The following CSMD3 variants were observed in gnomAD, a reference collection of about 807,000 sequenced individuals.
CSMD3 encodes the protein CUB and Sushi multiple domains 3.
A neutral mutation model predicts 435.2 loss-of-function variants in CSMD3; 177 were observed. The ratio of observed to expected loss-of-function variants is 0.41; its 90% CI spans 0.36 to 0.46. The LOEUF is 0.46. CSMD3 is among the 20% of genes least tolerant of loss of function. The pLI is 0.34. For missense variants in CSMD3, 4,265 were observed against 4,504.6 expected (o/e 0.95, Z 1.52); for synonymous variants, 1,656 against 1,520.5 (o/e 1.09, Z -2.07).
In CSMD3 at chr8:113,004,041, T is replaced by G. The variant is rs189037257; in HGVS notation, c.1030+15026A>C. ...AATTTATTTAGAAAGGAATGCTACT[T>G]TTTGGGGAGGCTTTCATGATAACCA... On this transcript the variant is annotated intron_variant, in intron 6 of 70. Coordinates refer to ENST00000297405, the MANE Select transcript of CSMD3 (RefSeq NM_198123.2). 3.4e-4 allele frequency among the ~76,000 whole-genome samples: 52 copies of G among 152,168 alleles called. No homozygotes were observed. The East Asian group carries it at 7.0e-3, about 20-fold the overall frequency.
intron 1 of CSMD3, among the ~76,000 whole-genome samples, chr8:113,360,139 T>C (rs2094262397): frequency 6.6e-6 from 1 of 152,176 alleles, no homozygotes; most frequent in South Asian, 2.1e-4. Flanking sequence ...TTTTATAATA[T>C]GTATAATGCT....
rs1162372651 is a variant in CSMD3, at chr8:112,552,661, G to A, written c.4294C>T (p.Pro1432Ser). Residue 1432 changes from proline to serine, a missense_variant, in exon 26 of 71, where the codon CCT (proline) becomes TCT (serine). By Grantham distance (74) the Pro-to-Ser change is moderately conservative (BLOSUM62 -1). Transcript: ENST00000297405. ...CGCAGGTTATTGTCATATGGAAAAG[G>A]ATAGCCAGGAGATAAGATTCTTCCT... ...SSGRILSPGY[P>S]FPYDNNLRCM... 6.2e-7 allele frequency: 1 copy of A among 1,611,862 alleles called. No homozygotes were observed. Among genetic ancestry groups the A allele is most frequent in the Non-Finnish European group, 8.5e-7 (1 of 1,178,564 alleles).
intron 12 of CSMD3, among the ~76,000 whole-genome samples, chr8:112,817,515 A>T (rs1426163177): frequency 6.6e-6 from 1 of 152,124 alleles, no homozygotes; most frequent in Admixed American, 6.6e-5. Flanking sequence ...TATCTGAATT[A>T]TTATCAAATG....
At chr8:113,002,111 T>C (rs2085886051) in intron 6 of CSMD3, among the ~76,000 whole-genome samples, 1 of 152,098 alleles carries the variant, frequency 6.6e-6, no homozygotes, top group Non-Finnish European at 1.5e-5. Context: ...TTTGATAACA[T>C]GAAAGCTGAC....
At chr8:112,254,561 G>A (rs776819016) in intron 62 of CSMD3, among the ~76,000 whole-genome samples, 3 of 151,978 alleles carry the variant, frequency 2.0e-5, no homozygotes, top group Non-Finnish European at 2.9e-5. Context: ...GAACCCTTCC[G>A]ATATAAAAGC....
chr8:113,175,866 A>AT (rs2092339726), intron 3 of CSMD3, among the ~76,000 whole-genome samples: 1 of 152,020 alleles, frequency 6.6e-6, no homozygotes, highest in African/African-American at 2.4e-5. Flanking sequence ...ATAAAGTTAT[A>AT]TGTCTAGGAG....
chr8:112,761,710 C>T (rs777112898), intron 13 of CSMD3, among the ~76,000 whole-genome samples: 2 of 151,910 alleles, frequency 1.3e-5, no homozygotes, highest in Non-Finnish European at 2.9e-5. Context: ...ATCAGTGAAA[C>T]GTTGTGCATG....
At chr8:112,274,840 G>A (rs1817879459) in intron 59 of CSMD3, among the ~76,000 whole-genome samples, 1 of 152,154 alleles carries the variant, frequency 6.6e-6, no homozygotes, top group Non-Finnish European at 1.5e-5. Context: ...AACACTTGAA[G>A]TAGTAATGAC....
intron 13 of CSMD3, among the ~76,000 whole-genome samples, chr8:112,765,394 A>G (rs1297894069): frequency 1.3e-5 from 2 of 151,656 alleles, no homozygotes; most frequent in Non-Finnish European, 3.0e-5. Flanking sequence ...GGAGGGATAT[A>G]GGATGATGCC....
intron 1 of CSMD3, among the ~76,000 whole-genome samples, chr8:113,388,136 T>G (rs1405937652): frequency 6.6e-6 from 1 of 151,666 alleles, no homozygotes; most frequent in Admixed American, 6.6e-5. Flanking sequence ...TATGCTAAGG[T>G]ATATAGGTAA....
intron 38 of CSMD3, among the ~76,000 whole-genome samples, chr8:112,370,023 G>GGAAGAAGAGGAAGAAGAAGAAGAAGAA (rs1563852370): frequency 1.5e-5 from 1 of 66,536 alleles, no homozygotes; most frequent in African/African-American, 6.4e-5. Context: ...AAGAAGAAGA[G>GGAAGAAGAGGAAGAAGAAGAAGAAGAA]GAAGAAGAAG....
chr8:112,944,107 G>C (rs2083532011), intron 9 of CSMD3, among the ~76,000 whole-genome samples: 1 of 151,422 alleles, frequency 6.6e-6, no homozygotes, highest in Admixed American at 6.6e-5. Context: ...CCCACTCTTG[G>C]TAAAAAACTA....
chr8:113,377,224 G>C (rs969534053), intron 1 of CSMD3: 3 of 894,200 alleles, frequency 3.4e-6, no homozygotes, highest in Non-Finnish European at 4.3e-6. Flanking sequence ...GAGACCGAAG[G>C]GCCAGCCGAG....
chr8:113,133,235 C>T (rs2091329376), intron 4 of CSMD3, among the ~76,000 whole-genome samples: 2 of 151,970 alleles, frequency 1.3e-5, no homozygotes, highest in African/African-American at 4.8e-5. Flanking sequence ...AGTTAAACTT[C>T]ACTAAAAATG....
At chr8:112,875,710 T>G (rs1043233816) in intron 10 of CSMD3, among the ~76,000 whole-genome samples, 2 of 152,162 alleles carry the variant, frequency 1.3e-5, no homozygotes, top group African/African-American at 4.8e-5. Context: ...ATGGATCAAT[T>G]TGGCTGATAC....
chr8:113,128,753 T>C (rs2091208088), intron 4 of CSMD3, among the ~76,000 whole-genome samples: 1 of 152,102 alleles, frequency 6.6e-6, no homozygotes, highest in South Asian at 2.1e-4. Context: ...TCAGGACCAA[T>C]TTCAAAATAC....
intron 54 of CSMD3, 124 bp from the exon 55 acceptor site, chr8:112,292,834 C>T: frequency 2.4e-6 from 2 of 829,316 alleles, no homozygotes; most frequent in Non-Finnish European, 4.0e-6. Flanking sequence ...TACTTTTTAT[C>T]TGGAAATATA....
At position 112,291,708 on chromosome 8, in the gene CSMD3, C is replaced by G. The variant is rs1819778263; in HGVS notation, c.8789-13G>C. The G allele has an allele frequency of 1.3e-6, 2 of 1,586,460 alleles. No homozygotes were observed. The highest frequency in any genetic ancestry group is 1.7e-6 in the Non-Finnish European group (2 of 1,155,530). On this transcript the variant is annotated splice_polypyrimidine_tract_variant and intron_variant, in intron 55 of 70. Transcript: ENST00000297405. ...GAACAGTTGACCACTAAACAAATGACAAATTTTGAAACATATGTTTGGAAT... is the reference window on the plus strand; with the variant it reads ...GAACAGTTGACCACTAAACAAATGAGAAATTTTGAAACATATGTTTGGAAT...
intron 11 of CSMD3, among the ~76,000 whole-genome samples, chr8:112,844,033 A>C (rs558040948): frequency 6.6e-6 from 1 of 152,006 alleles, no homozygotes; most frequent in Non-Finnish European, 1.5e-5. Flanking sequence ...AAATTTACAT[A>C]AGCCACATAA....
Sources: gnomAD v4.1 joint callset for allele counts (sites outside exome capture counted in the v4.1 genomes callset) on GRCh38, gnomAD v4.1.1 for gene constraint, MANE v1.5 for transcripts, NCBI Gene and HGNC (gene_info 2026-07-23, HGNC 2026-07-21) for gene names.